DTNA: variants seen among roughly 807,000 people sequenced by gnomAD.
DTNA encodes the protein dystrobrevin alpha.
A neutral mutation model predicts 100.7 loss-of-function variants in DTNA; 43 were observed. The observed-to-expected ratio is 0.43, with a 90% CI of 0.33 to 0.55. The LOEUF (loss-of-function observed/expected upper bound fraction) is 0.55, where lower values mean the gene tolerates loss of function less well. Ranked by LOEUF, DTNA falls within the 20% of genes least tolerant of loss-of-function variation. DTNA has a pLI of 0.04. For synonymous variants in DTNA, 349 were observed against 347.9 expected (o/e 1.00, Z -0.04); for missense variants, 798 against 953.9 (o/e 0.84, Z 2.15).
intron 1 of DTNA, among the ~76,000 whole-genome samples, chr18:34,611,167 C>T (rs1016978463): frequency 2.6e-5 from 4 of 152,096 alleles, no homozygotes; most frequent in African/African-American, 9.7e-5. Context: ...TAGATCTAAA[C>T]TCCCACAAAA....
intron 1 of DTNA, among the ~76,000 whole-genome samples, chr18:34,610,796 G>T (rs560656286): frequency 6.6e-6 from 1 of 152,072 alleles, no homozygotes; most frequent in Admixed American, 6.5e-5. Flanking sequence ...CTCTTAAATT[G>T]GAACAATAAT....
intron 6 of DTNA, among the ~76,000 whole-genome samples, chr18:34,812,454 G>A (rs974790674): frequency 2.6e-5 from 4 of 152,190 alleles, no homozygotes; most frequent in Non-Finnish European, 4.4e-5. Flanking sequence ...AAGAAAAGAG[G>A]TTTAACAGAC....
chr18:34,508,846 C>T (rs1042138370), intron 1 of DTNA, among the ~76,000 whole-genome samples: 11 of 152,040 alleles, frequency 7.2e-5, no homozygotes, highest in Admixed American at 4.6e-4. Context: ...TTCTGTAAAT[C>T]GTATGTTTCA....
chr18:34,523,946 T>A (rs1031943262), intron 1 of DTNA, among the ~76,000 whole-genome samples: 1 of 150,664 alleles, frequency 6.6e-6, no homozygotes, highest in Admixed American at 6.6e-5. Context: ...AAATTCAGCA[T>A]CCAAGGGCTG....
At chr18:34,880,945 A>G (rs1264699534) in intron 20 of DTNA, among the ~76,000 whole-genome samples, 2 of 152,188 alleles carry the variant, frequency 1.3e-5, no homozygotes, top group Non-Finnish European at 2.9e-5. Flanking sequence ...TTAAGCATTT[A>G]TATGGCAGTT....
At chr18:34,531,036 T>C (rs1196249813) in intron 1 of DTNA, among the ~76,000 whole-genome samples, 1 of 152,118 alleles carries the variant, frequency 6.6e-6, no homozygotes, top group Non-Finnish European at 1.5e-5. Context: ...AAGATATTTA[T>C]TTTTCTGGAA....
At chr18:34,867,078 A>T in intron 17 of DTNA, 6 of 1,230,720 alleles carry the variant, frequency 4.9e-6, no homozygotes, top group Non-Finnish European at 6.1e-6. Context: ...TATGTATGAC[A>T]ATATATCCCA....
intron 1 of DTNA, among the ~76,000 whole-genome samples, chr18:34,717,249 A>G (rs540604287): frequency 4.6e-5 from 7 of 152,382 alleles, no homozygotes; most frequent in Admixed American, 2.0e-4. Flanking sequence ...ATCTTATTTA[A>G]TGCTAAGTAA....
chr18:34,565,307 C>A (rs537036797), intron 1 of DTNA, among the ~76,000 whole-genome samples: 3 of 152,240 alleles, frequency 2.0e-5, no homozygotes, highest in Admixed American at 2.0e-4. Context: ...AATTCAGAGT[C>A]TTGCTTTCAA....
chr18:34,631,773 C>A (rs1240887327), intron 1 of DTNA, among the ~76,000 whole-genome samples: 4 of 152,092 alleles, frequency 2.6e-5, no homozygotes, highest in Non-Finnish European at 5.9e-5. Flanking sequence ...ACACTCCTAC[C>A]CTGAACTGTG....
chr18:34,889,043 A>G lies in DTNA; in HGVS notation c.*1309A>G. ...TAAAAGACTGGGATAGTCTTTTCCA[A>G]GGACCCTCTTTAGAGGGCCCTAAAG... is the stretch of plus-strand genomic sequence containing the variant. On this transcript the variant is annotated 3_prime_UTR_variant, in exon 23 of 23. Coordinates refer to ENST00000444659, the MANE Select transcript of DTNA (RefSeq NM_001386795.1). The G allele has an allele frequency of 7.1e-6, 7 of 985,884 alleles. No individual in the cohort carries two copies. Among genetic ancestry groups the G allele is most frequent in the Non-Finnish European group, 8.4e-6 (7 of 829,936 alleles). The allele number at this position is 985,884 out of a possible 1,614,324, so 61.1% of individuals were successfully genotyped here.
At chr18:34,689,062 C>G (rs903996179) in intron 1 of DTNA, among the ~76,000 whole-genome samples, 3 of 152,098 alleles carry the variant, frequency 2.0e-5, no homozygotes, top group East Asian at 1.9e-4. Context: ...TTTCAAGGTT[C>G]TTAGCTTCCT....
In DTNA at chr18:34,818,323, C is replaced by T. The variant is rs747834756; in HGVS notation, c.869C>T (p.Thr290Met). Residue 290 changes from threonine to methionine, a missense_variant, in exon 8 of 23, where the codon ACG becomes ATG. This residue lies in a region of DTNA where 81 missense variants were observed against 153.5 expected (regional missense o/e 0.53). Coordinates refer to ENST00000444659, the MANE Select transcript of DTNA (RefSeq NM_001386795.1). ...AACCAGCACCAAATGAAAGAGTACA[C>T]GTCATGGGTAAGGCAAGGTCCAGGC... The part of the protein sequence containing the change: ...HSNQHQMKEY[T>M]SWKSPAKKLT... The T allele has an allele frequency of 3.5e-5, 57 of 1,613,606 alleles. No homozygotes were observed. Among genetic ancestry groups the T allele is most frequent in the East Asian group, 1.1e-4 (5 of 44,894 alleles).
At chr18:34,528,168 TACA>T (rs2042812339) in intron 1 of DTNA, among the ~76,000 whole-genome samples, 1 of 152,160 alleles carries the variant, frequency 6.6e-6, no homozygotes, top group Non-Finnish European at 1.5e-5. Flanking sequence ...GGATTTCCTG[TACA>T]ACTATTATGC....
chr18:34,493,628 C>A (rs1480822839), intron 1 of DTNA: 1 of 150,706 alleles, frequency 6.6e-6, no homozygotes, highest in Non-Finnish European at 1.5e-5. Flanking sequence ...GCCGCGCTGC[C>A]CCCGGCCGCC....
chr18:34,771,925 A>T (rs2093794491), intron 3 of DTNA, among the ~76,000 whole-genome samples: 1 of 151,558 alleles, frequency 6.6e-6, no homozygotes, highest in Non-Finnish European at 1.5e-5. Flanking sequence ...TGACGTGGTT[A>T]ATGATCCAGA....
At chr18:34,739,687 A>G (rs2090279615) in intron 1 of DTNA, among the ~76,000 whole-genome samples, 2 of 152,196 alleles carry the variant, frequency 1.3e-5, no homozygotes, top group South Asian at 4.1e-4. Context: ...AGATCTCTAA[A>G]TCAGAAAACA....
intron 1 of DTNA, among the ~76,000 whole-genome samples, chr18:34,563,091 T>C (rs1396821257): frequency 4.6e-5 from 7 of 152,182 alleles, no homozygotes; most frequent in Admixed American, 6.5e-5. Context: ...CAGTGGCAGT[T>C]TCACGTGGAA....
intron 1 of DTNA, among the ~76,000 whole-genome samples, chr18:34,597,298 G>T (rs1401331867): frequency 6.6e-6 from 1 of 152,060 alleles, no homozygotes; most frequent in Non-Finnish European, 1.5e-5. Flanking sequence ...AGTTGATTTT[G>T]ACTCTTTCTG....
Sources: gnomAD v4.1 joint callset for allele counts (sites outside exome capture counted in the v4.1 genomes callset) on GRCh38, gnomAD v4.1.1 for gene constraint, gnomAD v4.1.1 regional missense constraint, MANE v1.5 for transcripts, NCBI Gene and HGNC (gene_info 2026-07-23, HGNC 2026-07-21) for gene names.